NT5DC1: variants seen among roughly 807,000 people sequenced by gnomAD.
NT5DC1 encodes 5'-nucleotidase domain containing 1, also known as 5'-nucleotidase domain-containing protein 1.
A neutral mutation model predicts 59.4 loss-of-function variants in NT5DC1; 42 were observed. The observed-to-expected ratio is 0.71, with a 90% confidence interval of 0.55 to 0.92. NT5DC1 has a LOEUF of 0.92. Among genes scored for constraint, NT5DC1 ranks in the 40% least tolerant of loss-of-function variants. The pLI is 0.00. For missense variants in NT5DC1, 501 were observed against 537.1 expected (o/e 0.93, Z 0.66); for synonymous variants, 172 against 188.1 (o/e 0.91, Z 0.70).
chr6:116,225,611 T>C (rs770569391), intron 8 of NT5DC1, among the ~76,000 whole-genome samples: 1 of 152,156 alleles, frequency 6.6e-6, no homozygotes, highest in Non-Finnish European at 1.5e-5. Flanking sequence ...AGATCACTAG[T>C]GCCTCAGTGA....
chr6:116,120,369 C>T (rs1258111137), intron 6 of NT5DC1: 1 of 1,614,068 alleles, frequency 6.2e-7, no homozygotes, highest in Non-Finnish European at 8.5e-7. Flanking sequence ...GTCCTTGGGT[C>T]ATAATGCTGT....
intron 4 of NT5DC1, among the ~76,000 whole-genome samples, chr6:116,112,215 A>T (rs972875921): frequency 1.1e-4 from 17 of 152,308 alleles, no homozygotes; most frequent in Admixed American, 7.2e-4. Context: ...TGGGTTAGTT[A>T]GGGAAGTGTT....
At chr6:116,225,299 A>T (rs1271930126) in intron 8 of NT5DC1, among the ~76,000 whole-genome samples, 1 of 152,200 alleles carries the variant, frequency 6.6e-6, no homozygotes, top group Non-Finnish European at 1.5e-5. Flanking sequence ...TCTAGGCTCA[A>T]GATATGTATT....
intron 6 of NT5DC1, among the ~76,000 whole-genome samples, chr6:116,209,879 G>T (rs1218308820): frequency 6.6e-6 from 1 of 151,854 alleles, no homozygotes; most frequent in Non-Finnish European, 1.5e-5. Context: ...GCTTCTGAAC[G>T]CAAGTTATTT....
intron 6 of NT5DC1, among the ~76,000 whole-genome samples, chr6:116,178,842 A>G (rs1001585117): frequency 1.3e-5 from 2 of 152,168 alleles, no homozygotes; most frequent in Admixed American, 6.5e-5. Flanking sequence ...TAAATTTGCA[A>G]TTTCAGTGTT....
intron 6 of NT5DC1, among the ~76,000 whole-genome samples, chr6:116,162,233 T>C (rs1780351986): frequency 1.3e-5 from 2 of 152,182 alleles, no homozygotes; most frequent in African/African-American, 2.4e-5. Context: ...TAGAGATAAT[T>C]TGACTTCCAC....
rs746977871 is a variant in NT5DC1 at position 116,120,574 on chromosome 6, GC to G, written c.529+2631del. The G allele has an allele frequency of 6.9e-6, 11 of 1,601,538 alleles. No homozygotes were observed. The Admixed American group carries it at 1.9e-4, about 28-fold the overall frequency. Reference sequence around the variant, plus strand: ...CAGGCATGACTGCTTGACCTGGTGGGCCTGGAGGCCCAGGGGGCCCTGGAAG... The same window carrying G: ...CAGGCATGACTGCTTGACCTGGTGGGCTGGAGGCCCAGGGGGCCCTGGAAG... On this transcript the variant is annotated intron_variant, in intron 6 of 11. Transcript: ENST00000319550.
chr6:116,243,486 G>A (rs760829328), intron 11 of NT5DC1, among the ~76,000 whole-genome samples: 32 of 152,138 alleles, frequency 2.1e-4, no homozygotes, highest in Admixed American at 3.9e-4. Context: ...ACCTTTGATA[G>A]ACCTTTTCTG....
intron 6 of NT5DC1, among the ~76,000 whole-genome samples, chr6:116,179,943 A>C (rs1367548452): frequency 6.6e-6 from 1 of 152,148 alleles, no homozygotes; most frequent in East Asian, 1.9e-4. Context: ...TTAGAATTTC[A>C]GAACAGTGTA....
At position 116,100,961 on chromosome 6, in the gene NT5DC1, G is replaced by A; in HGVS notation, c.31G>A (p.Asp11Asn). MAQHFSLAAC[D>N]VVGFDLDHTL... ...TCAGCACTTCTCCCTGGCCGCCTGC[G>A]ACGTGGTCGGATTCGACCTGGACCA... Residue 11 changes from aspartate to asparagine, a missense_variant, in exon 1 of 12, where the codon GAC becomes AAC. Transcript: ENST00000319550. The A allele has an allele frequency of 6.2e-7, 1 of 1,604,578 alleles. No individual in the cohort carries two copies. Among genetic ancestry groups the A allele is most frequent in the Non-Finnish European group, 8.5e-7 (1 of 1,176,722 alleles).
intron 6 of NT5DC1, among the ~76,000 whole-genome samples, chr6:116,173,627 A>G (rs535388905): frequency 2.6e-5 from 4 of 152,162 alleles, no homozygotes; most frequent in African/African-American, 9.6e-5. Context: ...AGCTCAGAAA[A>G]TTTCCTTGGG....
chr6:116,221,444 C>T (rs1781803238), intron 7 of NT5DC1, among the ~76,000 whole-genome samples: 1 of 152,162 alleles, frequency 6.6e-6, no homozygotes, highest in South Asian at 2.1e-4. Flanking sequence ...GACCAGTATG[C>T]TCATAGCTCA....
intron 6 of NT5DC1, among the ~76,000 whole-genome samples, chr6:116,178,072 TGTGTGTGTGTGTGTGTGC>T (rs1279703446): frequency 3.6e-5 from 4 of 110,232 alleles, no homozygotes; most frequent in Middle Eastern, 5.0e-3. Flanking sequence ...TGTGTGTGTG[TGTGTGTGTGTGTGTGTGC>T]GCGCGCGCGC....
At chr6:116,148,656 TG>T (rs1299900407) in intron 6 of NT5DC1, among the ~76,000 whole-genome samples, 1 of 152,220 alleles carries the variant, frequency 6.6e-6, no homozygotes, top group Non-Finnish European at 1.5e-5. Flanking sequence ...TAAAGTTGGA[TG>T]GTTTATATAA....
chr6:116,143,773 A>G (rs1486005933), intron 6 of NT5DC1, among the ~76,000 whole-genome samples: 2 of 152,210 alleles, frequency 1.3e-5, no homozygotes, highest in African/African-American at 4.8e-5. Flanking sequence ...TCAGTCAACA[A>G]AATTAGCTAT....
intron 6 of NT5DC1, chr6:116,120,784 G>A: frequency 1.9e-6 from 3 of 1,613,398 alleles, no homozygotes; most frequent in African/African-American, 1.3e-5. Flanking sequence ...GTATTCCAGG[G>A]GCACCTCTTG....
rs1019130524 is a variant in NT5DC1 at position 116,243,993 on chromosome 6, T to A, written c.1337T>A (p.Leu446Ter). 1 of 1,496,030 alleles carries A rather than the reference T, an allele frequency of 6.7e-7. No homozygotes were observed. Among genetic ancestry groups the A allele is most frequent in the African/African-American group, 1.4e-5 (1 of 72,368 alleles). 92.7% of individuals were successfully genotyped at this position (1,496,030 alleles called of 1,614,324 possible). A position where few individuals can be genotyped will look rare whatever the true frequency, so the allele number is the denominator to read the frequency against. ...AGYYPNPPLV[L>*]SSDETLISK ...TACTATCCAAATCCTCCACTGGTCTTATCAAGTGATGAGACACTGATATCC... is the reference window on the plus strand; with the variant it reads ...TACTATCCAAATCCTCCACTGGTCTAATCAAGTGATGAGACACTGATATCC... The change falls in exon 12 of 12, where the codon TTA becomes TAA. Residue 446 changes from leucine to a stop codon, truncating the protein, a stop_gained. Coordinates refer to ENST00000319550, the MANE Select transcript of NT5DC1 (RefSeq NM_152729.3). LOFTEE classifies it high-confidence loss of function.
At chr6:116,135,848 T>TATATATATATATATATATATAC (rs1562132559) in intron 6 of NT5DC1, among the ~76,000 whole-genome samples, 6 of 105,598 alleles carry the variant, frequency 5.7e-5, no homozygotes, top group African/African-American at 2.9e-4. Flanking sequence ...TATATATATA[T>TATATATATATATATATATATAC]ATATATATAT....
At chr6:116,135,997 C>T (rs987687017) in intron 6 of NT5DC1, among the ~76,000 whole-genome samples, 4 of 151,674 alleles carry the variant, frequency 2.6e-5, no homozygotes, top group Admixed American at 6.6e-5. Context: ...TACAGTATCT[C>T]GAACTATAGT....
Sources: allele counts gnomAD v4.1 joint callset (sites outside exome capture counted in the v4.1 genomes callset), GRCh38; gene constraint gnomAD v4.1.1; transcripts MANE v1.5; gene names NCBI Gene and HGNC (gene_info 2026-07-23, HGNC 2026-07-21).